The following CRMP1 variants were observed in gnomAD, a reference collection of about 807,000 sequenced individuals.
CRMP1 encodes the protein dihydropyrimidinase-related protein 1.
In CRMP1, 19 loss-of-function variants were observed where a neutral mutation model predicts 68.3. The ratio of observed to expected loss-of-function variants is 0.28; its 90% CI spans 0.19 to 0.41. CRMP1 has a LOEUF of 0.41. Ranked by LOEUF, CRMP1 falls within the 10% of genes least tolerant of loss-of-function variation. The pLI, the probability that CRMP1 is intolerant of heterozygous loss-of-function variation, is 1.00. For missense variants in CRMP1, 791 were observed against 967.4 expected (o/e 0.82, Z 2.42); for synonymous variants, 439 against 399.6 (o/e 1.10, Z -1.18).
chr4:5,875,754 G>C (rs974756076), intron 1 of CRMP1, among the ~76,000 whole-genome samples: 1 of 152,056 alleles, frequency 6.6e-6, no homozygotes, highest in Admixed American at 6.5e-5. Context: ...CATGGACACA[G>C]AGACCGTGAG....
chr4:5,876,378 A>T (rs1414133909), intron 1 of CRMP1, among the ~76,000 whole-genome samples: 1 of 152,102 alleles, frequency 6.6e-6, no homozygotes. Flanking sequence ...AATCACGAAG[A>T]GGTGGGTGTC....
chr4:5,828,545 T>C lies in CRMP1; in HGVS notation c.1747A>G (p.Ile583Val). The change falls in exon 12 of 14, where the codon ATT (isoleucine) becomes GTT (valine). Residue 583 changes from isoleucine (I) to valine (V), a missense_variant. Ile to Val is a conservative substitution (Grantham distance 29, BLOSUM62 3). Transcript: ENST00000324989. ...INVNKGMGRFIPRKAFPEHLY... is the reference protein window; with the variant it reads ...INVNKGMGRFVPRKAFPEHLY... Reference sequence around the variant, plus strand: ...TGCTCCGGGAACGCCTTCCGCGGAATGAAGCGGCCCATGCCCTTGTTGACG... The same window carrying C: ...TGCTCCGGGAACGCCTTCCGCGGAACGAAGCGGCCCATGCCCTTGTTGACG... 6.2e-7 allele frequency: 1 copy of C among 1,614,244 alleles called. No individual in the cohort carries two copies. Among genetic ancestry groups the C allele is most frequent in the South Asian group, 1.1e-5 (1 of 91,086 alleles).
rs1715840896 is a variant in CRMP1 at position 5,889,489 on chromosome 4, C to T, written c.381+3100G>A. ...GCTCCAGAGGGAGGTGGGCAGGAAGCCAGGTCACAGCTTGACAAGGTCCGT... is the reference window on the plus strand; with the variant it reads ...GCTCCAGAGGGAGGTGGGCAGGAAGTCAGGTCACAGCTTGACAAGGTCCGT... On this transcript the variant is annotated intron_variant, in intron 1 of 13. Coordinates refer to ENST00000324989, the MANE Select transcript of CRMP1 (RefSeq NM_001014809.3). This position sits in a 1 kb window ranked among gnomAD's most constrained non-coding sequence, Gnocchi z 4.5. The T allele has an allele frequency of 7.1e-7, 1 of 1,407,006 alleles. No individual in the cohort carries two copies. Among genetic ancestry groups the T allele is most frequent in the Non-Finnish European group, 9.7e-7 (1 of 1,034,770 alleles). The allele number at this position is 1,407,006 out of a possible 1,614,324, so 87.2% of individuals were successfully genotyped here. A position where few individuals can be genotyped will look rare whatever the true frequency, so the allele number is the denominator to read the frequency against.
At position 5,866,862 on chromosome 4, in the gene CRMP1, G is replaced by A; in HGVS notation, c.382-106C>T. On this transcript the variant is annotated intron_variant, in intron 1 of 13. Coordinates refer to ENST00000324989, the MANE Select transcript of CRMP1 (RefSeq NM_001014809.3). This position sits in a 1 kb window ranked among gnomAD's most constrained non-coding sequence, Gnocchi z 5.9. ...ATTATCAAATATTTTCAAAAGTAAA[G>A]GCATTTAACTTCCCCCGCCCCAGAT... The A allele has an allele frequency of 1.3e-6, 1 of 741,404 alleles. No homozygotes were observed. The highest frequency in any genetic ancestry group is 2.1e-6 in the Non-Finnish European group (1 of 470,638). The allele number at this position is 741,404 out of a possible 1,614,324, so 45.9% of individuals were successfully genotyped here.
chr4:5,891,209 CA>C lies in CRMP1; in HGVS notation c.381+1379del, dbSNP rs1560526955. The stretch of plus-strand genomic sequence containing the variant: ...ACACACACACACACACACACACACA[CA>C]CACCCTTGCTGTTGGACCTCTCCCT... On this transcript the variant is annotated intron_variant, in intron 1 of 13. Coordinates refer to ENST00000324989, the MANE Select transcript of CRMP1 (RefSeq NM_001014809.3). The surrounding 1 kb of genome is among the most constrained non-coding windows in gnomAD (Gnocchi z 5.2). Among the ~76,000 whole-genome samples, 16 of 151,602 alleles carry C rather than the reference CA, an allele frequency of 1.1e-4. No homozygotes were observed. Among genetic ancestry groups the C allele is most frequent in the African/African-American group, 3.4e-4 (14 of 41,234 alleles).
rs1046970768 is a variant in CRMP1 at position 5,825,716 on chromosome 4, G to C, written c.1804-57C>G. The C allele has an allele frequency of 1.3e-6, 2 of 1,576,296 alleles. No homozygotes were observed. Among genetic ancestry groups the C allele is most frequent in the Non-Finnish European group, 1.7e-6 (2 of 1,159,886 alleles). ...GACACTGTGCATGTGTGCCCTTCTG[G>C]GCAGATAAAGCAGAGCCCTGCGGGC... On this transcript the variant is annotated intron_variant, in intron 12 of 13. Transcript: ENST00000324989. This position sits in a 1 kb window ranked among gnomAD's most constrained non-coding sequence, Gnocchi z 4.4.
chr4:5,849,801 G>C (rs1295108247), intron 5 of CRMP1, among the ~76,000 whole-genome samples: 2 of 152,156 alleles, frequency 1.3e-5, no homozygotes, highest in Non-Finnish European at 2.9e-5. Context: ...TGAAACACCT[G>C]TAGGTGTTAA....
chr4:5,822,130 TCAAA>T (rs1215831859), intron 13 of CRMP1, among the ~76,000 whole-genome samples: 2 of 152,280 alleles, frequency 1.3e-5, no homozygotes, highest in African/African-American at 2.4e-5. Flanking sequence ...AGACAGGTGA[TCAAA>T]CACTTACTGA....
intron 8 of CRMP1, 27 bp from the exon 9 acceptor site, chr4:5,839,705 T>G (rs1310644580): frequency 6.9e-7 from 1 of 1,439,466 alleles, no homozygotes; most frequent in South Asian, 1.3e-5. Flanking sequence ...ATAAGCCTGG[T>G]TAAAAGCAAA....
rs926070761 is a variant in CRMP1, at chr4:5,870,943, G to A, written c.382-4187C>T. Among the ~76,000 whole-genome samples the A allele has an allele frequency of 3.3e-5, 5 of 152,156 alleles. No homozygotes were observed. Among genetic ancestry groups the A allele is most frequent in the East Asian group, 3.9e-4 (2 of 5,178 alleles). On this transcript the variant is annotated intron_variant, in intron 1 of 13. Transcript: ENST00000324989. This position sits in a 1 kb window ranked among gnomAD's most constrained non-coding sequence, Gnocchi z 6.0. ...GGTGCATGGCTTCCGGAACACGGCC[G>A]CCCCGCAGGCACCCGTCTGTCTTGT...
At chr4:5,824,399 G>T (rs1220418109) in intron 13 of CRMP1, 2 of 985,308 alleles carry the variant, frequency 2.0e-6, no homozygotes, top group Non-Finnish European at 2.4e-6. Context: ...CTTGATTCAT[G>T]CCTCCTCGGC....
In CRMP1 at chr4:5,855,318, T is replaced by C. The variant is rs950218630; in HGVS notation, c.820+825A>G. Among the ~76,000 whole-genome samples, 2 of 152,182 alleles carry C rather than the reference T, an allele frequency of 1.3e-5. No homozygotes were observed. The highest frequency in any genetic ancestry group is 2.9e-5 in the Non-Finnish European group (2 of 68,032). On this transcript the variant is annotated intron_variant, in intron 4 of 13. Transcript: ENST00000324989. This position sits in a 1 kb window ranked among gnomAD's most constrained non-coding sequence, Gnocchi z 4.9. ...AACATAGCACAGCTATTTTAAAAAT[T>C]GGAAACACACCCTCGCTCTCCTTGA...
chr4:5,839,757 C>T lies in CRMP1; in HGVS notation c.1154-79G>A. On this transcript the variant is annotated intron_variant, in intron 8 of 13. Coordinates refer to ENST00000324989, the MANE Select transcript of CRMP1 (RefSeq NM_001014809.3). ...ATGTCAAAGGCACAAAATTGGAAGA[C>T]TGTGGAGGGAGAACGGGGCTGGCTG... The T allele has an allele frequency of 2.7e-6, 4 of 1,458,252 alleles. No homozygotes were observed. In the South Asian group the frequency reaches 4.1e-5, roughly 15 times the overall value. The allele number at this position is 1,458,252 out of a possible 1,614,324, so 90.3% of individuals were successfully genotyped here.
At chr4:5,833,766 T>C (rs1032253728) in intron 11 of CRMP1, among the ~76,000 whole-genome samples, 6 of 152,042 alleles carry the variant, frequency 3.9e-5, no homozygotes, top group Non-Finnish European at 8.8e-5. Flanking sequence ...AGTAAGAGGC[T>C]GGGTGCGGTG....
chr4:5,884,973 G>A (rs914354943), intron 1 of CRMP1, among the ~76,000 whole-genome samples: 10 of 127,558 alleles, frequency 7.8e-5, no homozygotes, highest in African/African-American at 2.9e-4. Flanking sequence ...ATCCCCAAGT[G>A]TGCCATTCAT....
chr4:5,842,217 G>A lies in CRMP1; in HGVS notation c.1033-789C>T, dbSNP rs557623893. 7.2e-5 allele frequency among the ~76,000 whole-genome samples: 11 copies of A among 151,952 alleles called. No homozygotes were observed. In the South Asian group the frequency reaches 8.3e-4, roughly 11 times the overall value. On this transcript the variant is annotated intron_variant, in intron 7 of 13. Transcript: ENST00000324989. This position sits in a 1 kb window ranked among gnomAD's most constrained non-coding sequence, Gnocchi z 4.5. ...GGCGCCACTTCACTCCAGCCTGGGC[G>A]ACAGAGCGAGACTCTGTCTCAAAAA...
chr4:5,824,074 G>A (rs991875063), intron 13 of CRMP1, among the ~76,000 whole-genome samples: 1 of 152,186 alleles, frequency 6.6e-6, no homozygotes, highest in Non-Finnish European at 1.5e-5. Flanking sequence ...GCCCTTCCAG[G>A]TGGCTTTTAA....
intron 4 of CRMP1, among the ~76,000 whole-genome samples, chr4:5,852,113 T>C (rs1400056455): frequency 1.3e-5 from 2 of 152,236 alleles, no homozygotes; most frequent in African/African-American, 4.8e-5. Flanking sequence ...ACATTAGTCA[T>C]GCAGCTTCTA....
chr4:5,856,056 A>G (rs539624024), intron 4 of CRMP1, 87 bp downstream of exon 4: 1 of 1,501,366 alleles, frequency 6.7e-7, no homozygotes, highest in African/African-American at 1.4e-5. Flanking sequence ...ACAGATGCAG[A>G]CAGGGGGATT....
Sources: allele counts gnomAD v4.1 joint callset (sites outside exome capture counted in the v4.1 genomes callset), GRCh38; gene constraint gnomAD v4.1.1; non-coding constraint Gnocchi (gnomAD v3.1); transcripts MANE v1.5; gene names NCBI Gene and HGNC (gene_info 2026-07-23, HGNC 2026-07-21).